FGF12: variants seen among roughly 807,000 people sequenced by gnomAD.
FGF12 encodes the protein fibroblast growth factor 12.
A neutral mutation model predicts 23.6 loss-of-function variants in FGF12; 14 were observed. That is an observed-to-expected ratio of 0.59 (90% confidence interval 0.39 to 0.93). The LOEUF is 0.93. FGF12 is among the 40% of genes least tolerant of loss of function. FGF12 has a pLI of 0.00. For synonymous variants in FGF12, 62 were observed against 77.3 expected (o/e 0.80, Z 1.04); for missense variants, 175 against 217.8 (o/e 0.80, Z 1.24).
chr3:192,693,361 G>A (rs543066011), intron 2 of FGF12, among the ~76,000 whole-genome samples: 2 of 152,136 alleles, frequency 1.3e-5, no homozygotes, highest in South Asian at 4.1e-4. Flanking sequence ...GCAATATACA[G>A]ATTCAACACA....
At chr3:192,376,215 A>C (rs1025892441) in intron 2 of FGF12, among the ~76,000 whole-genome samples, 3 of 151,948 alleles carry the variant, frequency 2.0e-5, no homozygotes, top group Non-Finnish European at 2.9e-5. Flanking sequence ...CTCTCAGAAG[A>C]ATTGATTTGT....
intron 2 of FGF12, among the ~76,000 whole-genome samples, chr3:192,542,981 C>A (rs1481975623): frequency 6.6e-6 from 1 of 152,050 alleles, no homozygotes; most frequent in African/African-American, 2.4e-5. Flanking sequence ...GGGGTCTCAC[C>A]CAAGGGCTGT....
intron 4 of FGF12, among the ~76,000 whole-genome samples, chr3:192,290,760 T>C (rs933505670): frequency 6.6e-6 from 1 of 152,156 alleles, no homozygotes; most frequent in Non-Finnish European, 1.5e-5. Context: ...AATTATATTG[T>C]ATTAAAGTGA....
At position 192,360,287 on chromosome 3, in the gene FGF12, G is replaced by A; in HGVS notation, c.124+141C>T. The A allele has an allele frequency of 1.6e-6, 1 of 637,044 alleles. No individual in the cohort carries two copies. The highest frequency in any genetic ancestry group is 2.0e-5 in the South Asian group (1 of 51,022). 39.5% of individuals were successfully genotyped at this position (637,044 alleles called of 1,614,324 possible). A position where few individuals can be genotyped will look rare whatever the true frequency, so the allele number is the denominator to read the frequency against. Reference sequence around the variant, plus strand: ...AGGAAATCATAGCAAGAAGGATAAAGGAAAAGACACTAGCTTACTAATAGT... The same window carrying A: ...AGGAAATCATAGCAAGAAGGATAAAAGAAAAGACACTAGCTTACTAATAGT... On this transcript the variant is annotated intron_variant, in intron 3 of 5. Transcript: ENST00000445105. The surrounding 1 kb of genome is among the most constrained non-coding windows in gnomAD (Gnocchi z 4.3).
intron 2 of FGF12, among the ~76,000 whole-genome samples, chr3:192,659,792 A>G (rs1404495698): frequency 6.6e-6 from 1 of 152,124 alleles, no homozygotes; most frequent in Non-Finnish European, 1.5e-5. Flanking sequence ...ATTTCTCCAC[A>G]TCCTCTCCAG....
intron 2 of FGF12, among the ~76,000 whole-genome samples, chr3:192,578,443 T>C (rs1577063542): frequency 6.6e-6 from 1 of 152,314 alleles, no homozygotes; most frequent in East Asian, 1.9e-4. Flanking sequence ...AACCCTTTAC[T>C]GTCTTTTAAG....
At chr3:192,482,219 G>A (rs1234919497) in intron 2 of FGF12, among the ~76,000 whole-genome samples, 2 of 152,020 alleles carry the variant, frequency 1.3e-5, no homozygotes, top group African/African-American at 4.8e-5. Context: ...AGCAAAATGT[G>A]TATGAGAAAA....
intron 2 of FGF12, among the ~76,000 whole-genome samples, chr3:192,697,715 T>C (rs1017832031): frequency 6.6e-6 from 1 of 152,132 alleles, no homozygotes; most frequent in African/African-American, 2.4e-5. Flanking sequence ...CCAAAGTTCA[T>C]CTCCAACATT....
At chr3:192,320,013 C>T (rs558595513) in intron 4 of FGF12, among the ~76,000 whole-genome samples, 2 of 152,158 alleles carry the variant, frequency 1.3e-5, no homozygotes, top group East Asian at 1.9e-4. Flanking sequence ...AATAATAACA[C>T]AGAATGTAAA....
At chr3:192,494,841 CAT>C (rs60656064) in intron 2 of FGF12, among the ~76,000 whole-genome samples, 220 of 150,412 alleles carry the variant, frequency 1.5e-3, no homozygotes, top group Non-Finnish European at 2.1e-3. Flanking sequence ...AGGGCCTATG[CAT>C]ATATATATAT....
At chr3:192,221,999 C>G (rs574630913) in intron 4 of FGF12, among the ~76,000 whole-genome samples, 2 of 151,920 alleles carry the variant, frequency 1.3e-5, no homozygotes, top group Non-Finnish European at 2.9e-5. Flanking sequence ...ACATTTTTAC[C>G]AGGAAAGGTG....
At chr3:192,726,377 GAGA>G (rs1372880550) in intron 2 of FGF12, among the ~76,000 whole-genome samples, 1 of 152,158 alleles carries the variant, frequency 6.6e-6, no homozygotes, top group Non-Finnish European at 1.5e-5. Context: ...GCGTTTTAAG[GAGA>G]AGGAGAAACA....
intron 2 of FGF12, among the ~76,000 whole-genome samples, chr3:192,660,984 T>TAA (rs137975301): frequency 1.1e-5 from 1 of 90,754 alleles, no homozygotes; most frequent in African/African-American, 4.2e-5. Context: ...CCTAGTTCTT[T>TAA]AAAAAAAAAA....
rs117185297 is a variant in FGF12 at position 192,473,047 on chromosome 3, T to C, written c.14-112509A>G. On this transcript the variant is annotated intron_variant, in intron 2 of 5. Transcript: ENST00000445105. ...TGCCGTTTCTGTACTTGAAAAAACT[T>C]CTACAATTGACATGTTTTTACTCAC... Among the ~76,000 whole-genome samples the C allele has an allele frequency of 1.1e-4, 16 of 152,306 alleles. No homozygotes were observed. The East Asian group carries it at 3.1e-3, about 29-fold the overall frequency.
intron 4 of FGF12, chr3:192,267,030 T>C (rs1713120434): frequency 6.6e-6 from 1 of 152,188 alleles, no homozygotes; most frequent in African/African-American, 2.4e-5. Context: ...AATCAGATGT[T>C]TCATGCTAAT....
rs139455793 is a variant in FGF12 at position 192,335,872 on chromosome 3, T to C, written c.125-408A>G. On this transcript the variant is annotated intron_variant, in intron 3 of 5. Transcript: ENST00000445105. ...AGTCACAAGAAATAACAAAATACTA[T>C]CTTTAAAACAGGCCAAAGCTTCTTG... Among the ~76,000 whole-genome samples, 399 of 152,188 alleles carry C rather than the reference T, an allele frequency of 2.6e-3. 3 individuals are homozygous for C. The highest frequency in any genetic ancestry group is 0.014 in the Middle Eastern group (4 of 292).
chr3:192,683,963 G>A (rs1217018908), intron 2 of FGF12, among the ~76,000 whole-genome samples: 1 of 152,132 alleles, frequency 6.6e-6, no homozygotes, highest in Non-Finnish European at 1.5e-5. Context: ...TTTTGTGAAA[G>A]GTCAACTTAA....
chr3:192,298,068 G>C (rs1715142591), intron 4 of FGF12, among the ~76,000 whole-genome samples: 1 of 152,166 alleles, frequency 6.6e-6, no homozygotes, highest in Non-Finnish European at 1.5e-5. Flanking sequence ...GTATACCCGA[G>C]ACTGAACACA....
At chr3:192,502,505 G>C (rs1297438943) in intron 2 of FGF12, among the ~76,000 whole-genome samples, 1 of 152,178 alleles carries the variant, frequency 6.6e-6, no homozygotes, top group Non-Finnish European at 1.5e-5. Context: ...CAGACTCTTA[G>C]TGTTTCTCAT....
Sources: gnomAD v4.1 joint callset for allele counts (sites outside exome capture counted in the v4.1 genomes callset) on GRCh38, gnomAD v4.1.1 for gene constraint, Gnocchi (gnomAD v3.1) non-coding constraint, MANE v1.5 for transcripts, NCBI Gene and HGNC (gene_info 2026-07-23, HGNC 2026-07-21) for gene names.